The following SNX24 variants were observed in gnomAD, a reference collection of about 807,000 sequenced individuals.
SNX24 encodes the protein sorting nexin-24.
Under a neutral mutation model 28.7 loss-of-function variants are expected in SNX24, and 22 were observed. The ratio of observed to expected loss-of-function variants is 0.77; its 90% confidence interval spans 0.55 to 1.10. SNX24 has a LOEUF of 1.10. Ranked by LOEUF, SNX24 falls within the 50% of genes least tolerant of loss-of-function variation. The pLI is 0.00. For missense variants in SNX24, 221 were observed against 201.1 expected, an observed-to-expected ratio of 1.10 and a Z score of -0.60; for synonymous variants, 69 against 71.5, an observed-to-expected ratio of 0.96 and a Z score of 0.18.
intron 1 of SNX24, among the ~76,000 whole-genome samples, chr5:122,901,258 G>C (rs1757437818): frequency 6.6e-6 from 1 of 150,486 alleles, no homozygotes; most frequent in South Asian, 2.1e-4. Context: ...CTATTGCACT[G>C]TACCTAAGTT....
chr5:122,998,225 C>A (rs958221882), intron 3 of SNX24: 1 of 151,788 alleles, frequency 6.6e-6, no homozygotes, highest in Non-Finnish European at 1.5e-5. Flanking sequence ...TAAACACATA[C>A]ACACACATGG....
At position 122,858,333 on chromosome 5, in the gene SNX24, C is replaced by G. The variant is rs77624341; in HGVS notation, c.60+12640C>G. On this transcript the variant is annotated intron_variant, in intron 1 of 6. Transcript: ENST00000261369. ...TGAGCACATGCTATTGGAAAAATGC[C>G]GCCGATAGGCTTGCTCAATGCAGGA... Among the ~76,000 whole-genome samples the G allele has an allele frequency of 1.6e-3, 243 of 152,216 alleles. 6 individuals carry two copies. In the East Asian group the frequency reaches 0.044, roughly 27 times the overall value.
chr5:123,023,838 C>CACA, intron 5 of SNX24: 2 of 1,311,202 alleles, frequency 1.5e-6, no homozygotes, highest in South Asian at 1.3e-5. Flanking sequence ...ACACACACAC[C>CACA]CCTGCCAAAG....
intron 3 of SNX24, among the ~76,000 whole-genome samples, chr5:122,967,469 G>A (rs922895095): frequency 2.0e-5 from 3 of 152,152 alleles, no homozygotes; most frequent in African/African-American, 7.2e-5. Flanking sequence ...GGGGCAGCAC[G>A]TGCTGCCCTC....
intron 1 of SNX24, among the ~76,000 whole-genome samples, chr5:122,934,538 T>G (rs1365077150): frequency 3.3e-5 from 5 of 152,100 alleles, no homozygotes; most frequent in African/African-American, 1.2e-4. Context: ...TTTTGTATTT[T>G]TAGTAGAAAT....
At chr5:122,911,472 A>C (rs1273064069) in intron 1 of SNX24, among the ~76,000 whole-genome samples, 6 of 151,428 alleles carry the variant, frequency 4.0e-5, no homozygotes, top group African/African-American at 1.5e-4. Flanking sequence ...TCTTTAGTTT[A>C]ATTAGATCCC....
At chr5:122,888,337 A>G (rs1407851270) in intron 1 of SNX24, among the ~76,000 whole-genome samples, 1 of 152,140 alleles carries the variant, frequency 6.6e-6, no homozygotes, top group Non-Finnish European at 1.5e-5. Flanking sequence ...TAGCACAGTT[A>G]AGAGTGAAGG....
In SNX24 at chr5:123,008,819, C is replaced by T. The variant is rs571275739; in HGVS notation, c.*1070C>T. ...GTTAAATGTGTTTATGATATAACTCCACTGTACATCATCCTTTGAGTAGTA... is the reference window on the plus strand; with the variant it reads ...GTTAAATGTGTTTATGATATAACTCTACTGTACATCATCCTTTGAGTAGTA... On this transcript the variant is annotated 3_prime_UTR_variant, in exon 7 of 7. Coordinates refer to ENST00000261369, the MANE Select transcript of SNX24 (RefSeq NM_014035.4). 8.5e-6 allele frequency: 8 copies of T among 941,970 alleles called. No individual in the cohort carries two copies. The highest frequency in any genetic ancestry group is 1.8e-5 in the African/African-American group (1 of 56,426). The allele number at this position is 941,970 out of a possible 1,614,324, so 58.4% of individuals were successfully genotyped here. A position where few individuals can be genotyped will look rare whatever the true frequency, so the allele number is the denominator to read the frequency against.
intron 1 of SNX24, among the ~76,000 whole-genome samples, chr5:122,918,585 A>C (rs978406636): frequency 6.6e-6 from 1 of 152,230 alleles, no homozygotes; most frequent in African/African-American, 2.4e-5. Context: ...GAATTTGTAA[A>C]ATATCTTACT....
intron 1 of SNX24, among the ~76,000 whole-genome samples, chr5:122,930,958 G>A (rs1051673312): frequency 2.0e-5 from 3 of 152,244 alleles, no homozygotes; most frequent in African/African-American, 4.8e-5. Flanking sequence ...AAAAGTTGAT[G>A]AGGAAAAAAA....
At chr5:123,016,373 A>G (rs1263222527) in intron 5 of SNX24, among the ~76,000 whole-genome samples, 1 of 152,206 alleles carries the variant, frequency 6.6e-6, no homozygotes, top group Non-Finnish European at 1.5e-5. Flanking sequence ...TCAGCAAGTT[A>G]CAAAGCCCCA....
Position 122,887,705 on chromosome 5 carries a change from CTG to C in SNX24, c.60+42014_60+42015del, listed in dbSNP as rs1257629215. On this transcript the variant is annotated intron_variant, in intron 1 of 6. Transcript: ENST00000261369. ...GAACCAGAGTTCTTGATTTCAGTCA[CTG>C]TATTTTTTCTTTGAGATGGAGTTTC... Among the ~76,000 whole-genome samples the C allele has an allele frequency of 1.2e-4, 18 of 152,202 alleles. No homozygotes were observed. In the East Asian group the frequency reaches 3.3e-3, roughly 28 times the overall value.
Sources: allele counts gnomAD v4.1 joint callset (sites outside exome capture counted in the v4.1 genomes callset), GRCh38; gene constraint gnomAD v4.1.1; transcripts MANE v1.5; gene names NCBI Gene and HGNC (gene_info 2026-07-23, HGNC 2026-07-21).